ARHGEF12: variants seen among roughly 807,000 people sequenced by gnomAD.
ARHGEF12 encodes the protein KMT2A/ARHGEF12 fusion protein.
Under a neutral mutation model 211.2 loss-of-function variants are expected in ARHGEF12, and 66 were observed. The observed-to-expected ratio is 0.31, with a 90% CI of 0.26 to 0.38. The LOEUF (loss-of-function observed/expected upper bound fraction) is 0.38. Among genes scored for constraint, ARHGEF12 ranks in the 10% least tolerant of loss-of-function variants. ARHGEF12 has a pLI of 1.00. For missense variants in ARHGEF12, 1,429 were observed against 1,869.5 expected (o/e 0.76, Z 4.34); for synonymous variants, 592 against 638.4 (o/e 0.93, Z 1.09).
rs1945724865 is a variant in ARHGEF12 at position 120,437,375 on chromosome 11, A to G, written c.992A>G (p.Gln331Arg). Residue 331 changes from glutamine (Q) to arginine (R), a missense_variant, in exon 12 of 41, where the codon CAG becomes CGG. Gln to Arg is a conservative substitution (Grantham distance 43). Transcript: ENST00000397843. ...AACCCAGAGAAAAGTGAAACAATTCAGGACACTGTGAGTATGAAATCCATG... is the reference window on the plus strand; with the variant it reads ...AACCCAGAGAAAAGTGAAACAATTCGGGACACTGTGAGTATGAAATCCATG... ...EENPEKSETI[Q>R]DTDTQSLVGS... 2 of 1,612,076 alleles carry G rather than the reference A, an allele frequency of 1.2e-6. No individual in the cohort carries two copies. The highest frequency in any genetic ancestry group is 1.7e-6 in the Non-Finnish European group (2 of 1,178,834).
At chr11:120,339,971 A>G (rs1942481844) in intron 1 of ARHGEF12, among the ~76,000 whole-genome samples, 1 of 152,196 alleles carries the variant, frequency 6.6e-6, no homozygotes, top group Non-Finnish European at 1.5e-5. Flanking sequence ...AAAGACTTTA[A>G]ACTCAAACTA....
In ARHGEF12 at chr11:120,457,782, A is replaced by G. The variant is rs767131851; in HGVS notation, c.2225+26A>G. ...GTAAGTAAATCTTAAGCAGCTTTCA[A>G]TAAAGGCGCATTTTAAGAAACGTAA... On this transcript the variant is annotated intron_variant, in intron 24 of 40. Transcript: ENST00000397843. The G allele has an allele frequency of 2.5e-6, 4 of 1,602,184 alleles. No individual in the cohort carries two copies. The South Asian group carries it at 3.4e-5, about 13-fold the overall frequency.
chr11:120,354,138 G>T (rs565044571), intron 1 of ARHGEF12, among the ~76,000 whole-genome samples: 1 of 152,322 alleles, frequency 6.6e-6, no homozygotes, highest in South Asian at 2.1e-4. Context: ...AGAGATGCCT[G>T]TGAGAAGAGG....
chr11:120,421,078 A>G (rs1321449630), intron 5 of ARHGEF12, among the ~76,000 whole-genome samples: 1 of 152,222 alleles, frequency 6.6e-6, no homozygotes, highest in East Asian at 1.9e-4. Context: ...TTTAGAAATC[A>G]TGTGACTCCT....
At chr11:120,476,778 A>G in intron 34 of ARHGEF12, 30 bp downstream of exon 34, 1 of 1,514,194 alleles carries the variant, frequency 6.6e-7, no homozygotes. Context: ...ACCTTGCTAT[A>G]GCTAATATTT....
intron 26 of ARHGEF12, among the ~76,000 whole-genome samples, 194 bp downstream of exon 26, chr11:120,459,514 AC>A (rs1294020422): frequency 2.0e-5 from 3 of 152,206 alleles, no homozygotes; most frequent in African/African-American, 7.2e-5. Context: ...CAATGTGTCA[AC>A]ATAGGGCTTC....
At chr11:120,373,667 G>T (rs1390017402) in intron 1 of ARHGEF12, among the ~76,000 whole-genome samples, 3 of 151,536 alleles carry the variant, frequency 2.0e-5, no homozygotes, top group African/African-American at 7.3e-5. Flanking sequence ...AGGACTTTGG[G>T]TTTTTTTCAC....
At chr11:120,400,228 A>G (rs1944517377) in intron 1 of ARHGEF12, among the ~76,000 whole-genome samples, 1 of 152,048 alleles carries the variant, frequency 6.6e-6, no homozygotes, top group African/African-American at 2.4e-5. Context: ...TATTTTTATT[A>G]TTTTTACCAG....
At position 120,480,570 on chromosome 11, in the gene ARHGEF12, T is replaced by C. The variant is rs367942744; in HGVS notation, c.4237+140T>C. 4.8e-5 allele frequency: 41 copies of C among 862,310 alleles called. No homozygotes were observed. The African/African-American group carries it at 5.8e-4, about 12-fold the overall frequency. 53.4% of individuals were successfully genotyped at this position (862,310 alleles called of 1,614,324 possible). A position where few individuals can be genotyped will look rare whatever the true frequency, so the allele number is the denominator to read the frequency against. On this transcript the variant is annotated intron_variant, in intron 38 of 40. Coordinates refer to ENST00000397843, the MANE Select transcript of ARHGEF12 (RefSeq NM_015313.3). ...ACATGTGCAATATTTATTCCTTCATTTGATAAATACTGAATCTACTCTGTA... is the reference window on the plus strand; with the variant it reads ...ACATGTGCAATATTTATTCCTTCATCTGATAAATACTGAATCTACTCTGTA...
At chr11:120,348,354 A>G (rs1303051648) in intron 1 of ARHGEF12, among the ~76,000 whole-genome samples, 1 of 152,232 alleles carries the variant, frequency 6.6e-6, no homozygotes, top group Non-Finnish European at 1.5e-5. Flanking sequence ...ATCACAATTG[A>G]GAACATTAGT....
Position 120,423,265 on chromosome 11 carries a change from G to T in ARHGEF12, c.349-1093G>T, listed in dbSNP as rs1945250090. 1.3e-5 allele frequency among the ~76,000 whole-genome samples: 2 copies of T among 152,126 alleles called. 1 individual carries two copies. Among genetic ancestry groups the T allele is most frequent in the South Asian group, 4.1e-4 (2 of 4,830 alleles). ...GTAATACACATTTAGTATAGTTTGG[G>T]TATGGTAAAATGACTATTCTCATGA... On this transcript the variant is annotated intron_variant, in intron 6 of 40. Transcript: ENST00000397843.
intron 1 of ARHGEF12, among the ~76,000 whole-genome samples, chr11:120,390,703 T>A (rs1944186530): frequency 6.6e-6 from 1 of 152,168 alleles, no homozygotes; most frequent in African/African-American, 2.4e-5. Context: ...GGTTAACTAT[T>A]AATAAAAAAC....
intron 1 of ARHGEF12, among the ~76,000 whole-genome samples, chr11:120,349,346 T>G (rs1942864510): frequency 1.3e-5 from 2 of 152,210 alleles, no homozygotes; most frequent in South Asian, 4.1e-4. Flanking sequence ...TATATTAATT[T>G]TGACTCCCTG....
chr11:120,482,479 G>A (rs1290249917), intron 39 of ARHGEF12, among the ~76,000 whole-genome samples: 3 of 152,156 alleles, frequency 2.0e-5, no homozygotes, highest in Non-Finnish European at 4.4e-5. Flanking sequence ...GGGCACGGTG[G>A]CTCACGCCTG....
chr11:120,430,717 T>C (rs1945498569), intron 10 of ARHGEF12, among the ~76,000 whole-genome samples: 1 of 152,206 alleles, frequency 6.6e-6, no homozygotes, highest in Non-Finnish European at 1.5e-5. Flanking sequence ...TTCTTTGAGA[T>C]CATCTAGCCT....
chr11:120,443,008 A>G (rs997374851), intron 15 of ARHGEF12, among the ~76,000 whole-genome samples: 2 of 149,216 alleles, frequency 1.3e-5, no homozygotes, highest in South Asian at 2.1e-4. Flanking sequence ...TCCTGATGCT[A>G]TGGAGTGACT....
chr11:120,487,841 G>GC lies in ARHGEF12; in HGVS notation c.*2769dup, dbSNP rs934235170. The GC allele has an allele frequency of 1.4e-4, 30 of 219,828 alleles. No homozygotes were observed. The highest frequency in any genetic ancestry group is 6.5e-4 in the African/African-American group (29 of 44,658). The allele number at this position is 219,828 out of a possible 1,614,324, so 13.6% of individuals were successfully genotyped here. A position where few individuals can be genotyped will look rare whatever the true frequency, so the allele number is the denominator to read the frequency against. ...ACAGTTAATCAAGGCAAATCAGCAA[G>GC]CCCCCAAAGTGCTGTAATTTAACAT... On this transcript the variant is annotated 3_prime_UTR_variant, in exon 41 of 41. Transcript: ENST00000397843.
At chr11:120,373,712 TC>T (rs1169747585) in intron 1 of ARHGEF12, among the ~76,000 whole-genome samples, 3 of 152,210 alleles carry the variant, frequency 2.0e-5, no homozygotes, top group Non-Finnish European at 2.9e-5. Context: ...TATGTTTTTT[TC>T]CCCCATATTC....
chr11:120,463,192 A>G (rs1946587057), intron 27 of ARHGEF12: 1 of 152,248 alleles, frequency 6.6e-6, no homozygotes, highest in African/African-American at 2.4e-5. Context: ...ATATAAGTTC[A>G]TCAGAAATCA....
Sources: allele counts gnomAD v4.1 joint callset (sites outside exome capture counted in the v4.1 genomes callset), GRCh38; gene constraint gnomAD v4.1.1; transcripts MANE v1.5; gene names NCBI Gene and HGNC (gene_info 2026-07-23, HGNC 2026-07-21).